KRT23: variants seen among roughly 807,000 people sequenced by gnomAD.
KRT23 encodes keratin 23, also known as keratin, type I cytoskeletal 23.
A neutral mutation model predicts 47.6 loss-of-function variants in KRT23; 38 were observed. The observed-to-expected ratio is 0.80, with a 90% CI of 0.62 to 1.05. KRT23 has a LOEUF of 1.05. Among genes scored for constraint, KRT23 ranks in the 50% least tolerant of loss-of-function variants. KRT23 has a pLI of 0.00. For missense variants in KRT23, 503 were observed against 529.5 expected (o/e 0.95, Z 0.49); for synonymous variants, 191 against 199.0 (o/e 0.96, Z 0.34).
rs755499172 is a variant in KRT23, at chr17:40,931,455, T to TCC, written c.397-1_397insGG (p.Ile133GlyfsTer2). 6.2e-7 allele frequency: 1 copy of TCC among 1,612,510 alleles called. No homozygotes were observed. Among genetic ancestry groups the TCC allele is most frequent in the Admixed American group, 1.7e-5 (1 of 60,030 alleles). ...GCATTGGTCATCTTACCATCCACTA[T>TCC]CTGTAAAACATGCACAAAAGCACAA... On this transcript the variant is annotated frameshift_variant and splice_region_variant. Coordinates refer to ENST00000209718, the MANE Select transcript of KRT23 (RefSeq NM_015515.5). LOFTEE classifies it high-confidence loss of function.
chr17:40,936,769 C>T lies in KRT23; in HGVS notation c.-166G>A. ...TGTATCATTGTGCAACTTGTGTTTC[C>T]TCTTGGTCAATCCCAAAGTGCCCCT... On this transcript the variant is annotated 5_prime_UTR_variant, in exon 2 of 9. Coordinates refer to ENST00000209718, the MANE Select transcript of KRT23 (RefSeq NM_015515.5). The T allele has an allele frequency of 1.6e-6, 1 of 611,700 alleles. No homozygotes were observed. Among genetic ancestry groups the T allele is most frequent in the Non-Finnish European group, 2.5e-6 (1 of 397,062 alleles). 37.9% of individuals were successfully genotyped at this position (611,700 alleles called of 1,614,324 possible).
rs1165590099 is a variant in KRT23 at position 40,931,012 on chromosome 17, C to CT, written c.479+360dup. Among the ~76,000 whole-genome samples, 443 of 120,806 alleles carry CT rather than the reference C, an allele frequency of 3.7e-3. 8 individuals are homozygous for CT. Among genetic ancestry groups the CT allele is most frequent in the African/African-American group, 6.0e-3 (185 of 30,630 alleles). 79.3% of individuals were successfully genotyped at this position (120,806 alleles called of 152,430 possible). ...GCGGGTAATGGCAAGATGAGTTTTC[C>CT]TTTTTTTTTTTTTTTTTGAGATGGA... On this transcript the variant is annotated intron_variant, in intron 3 of 8. Coordinates refer to ENST00000209718, the MANE Select transcript of KRT23 (RefSeq NM_015515.5).
intron 2 of KRT23, 23 bp from the exon 3 acceptor site, chr17:40,931,478 C>T: frequency 1.3e-6 from 2 of 1,580,564 alleles, no homozygotes; most frequent in Non-Finnish European, 1.7e-6. Context: ...CACAAAAGCA[C>T]AAAAGGTTAT....
chr17:40,929,052 A>G (rs537274202), intron 4 of KRT23, among the ~76,000 whole-genome samples: 4 of 149,036 alleles, frequency 2.7e-5, no homozygotes, highest in African/African-American at 9.9e-5. Flanking sequence ...AAAAAAAAAG[A>G]ATATCATAAG....
rs748265990 is a variant in KRT23 at position 40,936,484 on chromosome 17, T to TC, written c.119dup (p.Ala41SerfsTer76). ...TGGTGAAGGACAGGGAGATGCGGGC[T>TC]CCCCCCGCACCGCCATGGACGGTGG... On this transcript the variant is annotated frameshift_variant, in exon 2 of 9. Coordinates refer to ENST00000209718, the MANE Select transcript of KRT23 (RefSeq NM_015515.5). LOFTEE classifies it high-confidence loss of function. 3 of 1,567,660 alleles carry TC rather than the reference T, an allele frequency of 1.9e-6. No homozygotes were observed. Among genetic ancestry groups the TC allele is most frequent in the East Asian group, 2.3e-5 (1 of 44,432 alleles).
intron 3 of KRT23, among the ~76,000 whole-genome samples, chr17:40,931,073 G>A (rs551835825): frequency 4.8e-5 from 7 of 145,086 alleles, no homozygotes; most frequent in East Asian, 4.2e-4. Flanking sequence ...TGTTAGTGGC[G>A]TGATCTTGGC....
chr17:40,927,599 C>T (rs1026785101), intron 6 of KRT23, among the ~76,000 whole-genome samples: 2 of 144,772 alleles, frequency 1.4e-5, no homozygotes, highest in Non-Finnish European at 3.0e-5. Flanking sequence ...AATGATAGAC[C>T]TTCATAAATT....
At position 40,922,931 on chromosome 17, in the gene KRT23, G is replaced by T; in HGVS notation, c.*58C>A. On this transcript the variant is annotated 3_prime_UTR_variant, in exon 9 of 9. Transcript: ENST00000209718. ...TTAGAACTCACTCACTGGTGTCTGT[G>T]CAAGGACTTTCCTTGGGGGAAAATA... The T allele has an allele frequency of 2.4e-6, 3 of 1,232,894 alleles. No homozygotes were observed. The highest frequency in any genetic ancestry group is 2.4e-5 in the South Asian group (2 of 82,592). 76.4% of individuals were successfully genotyped at this position (1,232,894 alleles called of 1,614,324 possible). A position where few individuals can be genotyped will look rare whatever the true frequency, so the allele number is the denominator to read the frequency against.
chr17:40,925,466 G>A lies in KRT23; in HGVS notation c.1030C>T (p.Arg344Cys), dbSNP rs544856938. 1.4e-5 allele frequency: 23 copies of A among 1,614,112 alleles called. No homozygotes were observed. Among genetic ancestry groups the A allele is most frequent in the Middle Eastern group, 1.7e-4 (1 of 6,038 alleles). Residue 344 changes from arginine to cysteine, a missense_variant, in exon 7 of 9, where the codon CGC (arginine) becomes TGC (cysteine). By Grantham distance (180) the Arg-to-Cys change is radical. Coordinates refer to ENST00000209718, the MANE Select transcript of KRT23 (RefSeq NM_015515.5). ...TTGTTCTGCCGCTCCAGTTCATGGC[G>A]TAGCTGCGTCAGTTCCTCCTCATAG... is the stretch of plus-strand genomic sequence containing the variant. ...SHYEEELTQL[R>C]HELERQNNEY...
At chr17:40,923,841 C>T (rs1909070548) in intron 8 of KRT23, among the ~76,000 whole-genome samples, 1 of 152,196 alleles carries the variant, frequency 6.6e-6, no homozygotes, top group Non-Finnish European at 1.5e-5. Flanking sequence ...GAAAGTGCCA[C>T]TTGTCCCAGA....
chr17:40,937,007 T>G, intron 1 of KRT23, 54 bp from the exon 2 acceptor site: 1 of 178,630 alleles, frequency 5.6e-6, no homozygotes, highest in Non-Finnish European at 1.2e-5. Flanking sequence ...CGATGTAGTA[T>G]AGATTTCCTT....
Position 40,928,444 on chromosome 17 carries a change from ACCTGTT to A in KRT23, c.794_798+1del. 6.2e-7 allele frequency: 1 copy of A among 1,613,908 alleles called. No individual in the cohort carries two copies. On this transcript the variant is annotated splice_donor_variant and coding_sequence_variant, in exon 5 of 9. Coordinates refer to ENST00000209718, the MANE Select transcript of KRT23 (RefSeq NM_015515.5). LOFTEE classifies it high-confidence loss of function. ...TGGGAAGTTTGTGCATCTTTCTTTT[ACCTGTT>A]CTTTATACCAAGTGTCCAAGTCTCG...
At chr17:40,930,517 G>A (rs1909585993) in intron 3 of KRT23, among the ~76,000 whole-genome samples, 1 of 152,110 alleles carries the variant, frequency 6.6e-6, no homozygotes, top group Non-Finnish European at 1.5e-5. Flanking sequence ...TGTAATCCCA[G>A]TACTTTGGGA....
At chr17:40,930,800 T>A (rs1909611555) in intron 3 of KRT23, among the ~76,000 whole-genome samples, 1 of 139,990 alleles carries the variant, frequency 7.1e-6, no homozygotes, top group South Asian at 2.4e-4. Context: ...AATAAATAAA[T>A]AAAATAAACA....
At chr17:40,936,070 C>A in intron 2 of KRT23, 138 bp downstream of exon 2, 1 of 849,324 alleles carries the variant, frequency 1.2e-6, no homozygotes, top group South Asian at 1.8e-5. Flanking sequence ...AGAAAACATC[C>A]CCCAAAACCT....
intron 2 of KRT23, among the ~76,000 whole-genome samples, chr17:40,932,373 G>A (rs181980697): frequency 6.6e-6 from 1 of 152,304 alleles, no homozygotes; most frequent in African/African-American, 2.4e-5. Context: ...GTATGTTATA[G>A]TCAGAGAAAT....
At position 40,933,832 on chromosome 17, in the gene KRT23, AGT is replaced by A. The variant is rs555520026; in HGVS notation, c.396+2374_396+2375del. Among the ~76,000 whole-genome samples, 959 of 152,272 alleles carry A rather than the reference AGT, an allele frequency of 6.3e-3. 6 individuals carry two copies. The highest frequency in any genetic ancestry group is 0.01 in the Non-Finnish European group (687 of 68,030). ...TATATGAGGCATAGGTTTTTTACTG[AGT>A]GTTGTAATTAATCACCCAGATTCTC... On this transcript the variant is annotated intron_variant, in intron 2 of 8. Transcript: ENST00000209718.
chr17:40,924,099 A>T (rs1909082727), intron 8 of KRT23, among the ~76,000 whole-genome samples: 1 of 152,252 alleles, frequency 6.6e-6, no homozygotes, highest in Non-Finnish European at 1.5e-5. Flanking sequence ...CATAGAACAC[A>T]GTGTTCGTAA....
At chr17:40,923,191 C>A in intron 8 of KRT23, 108 bp from the exon 9 acceptor site, 1 of 770,584 alleles carries the variant, frequency 1.3e-6, no homozygotes, top group East Asian at 2.6e-5. Flanking sequence ...CAGTGCCTTC[C>A]AAATGATCAC....
Sources: allele counts gnomAD v4.1 joint callset (sites outside exome capture counted in the v4.1 genomes callset), GRCh38; gene constraint gnomAD v4.1.1; transcripts MANE v1.5; gene names NCBI Gene and HGNC (gene_info 2026-07-23, HGNC 2026-07-21).